The following NEMP2 variants were observed in gnomAD, a reference collection of about 807,000 sequenced individuals.
NEMP2 encodes the protein UPF0571 transmembrane protein.
In NEMP2, 53 loss-of-function variants were observed where a neutral mutation model predicts 54.2. The observed-to-expected ratio is 0.98, with a 90% CI of 0.78 to 1.23. NEMP2 has a LOEUF of 1.23. Among genes scored for constraint, NEMP2 ranks in the 50% most tolerant of loss-of-function variants. NEMP2 has a pLI of 0.00. For synonymous variants in NEMP2, 197 were observed against 190.3 expected (o/e 1.04, Z -0.29); for missense variants, 455 against 511.3 (o/e 0.89, Z 1.06).
the NEMP2 span, chr2:190,489,935 G>T: frequency 1.5e-6 from 2 of 1,343,772 alleles, no homozygotes; most frequent in Non-Finnish European, 2.1e-6. The surrounding 1 kb of genome is among the most constrained non-coding windows in gnomAD (Gnocchi z 6.6). Context: ...AATGCCCCGA[G>T]AAGCCTAGAA....
the NEMP2 span, among the ~76,000 whole-genome samples, chr2:190,496,683 T>TAC: frequency 3.2e-4 from 48 of 151,790 alleles, no homozygotes; most frequent in South Asian, 1.7e-3. The surrounding 1 kb of genome is among the most constrained non-coding windows in gnomAD (Gnocchi z 4.7). Context: ...TGTGTGTATA[T>TAC]ACACACACAC....
the NEMP2 span, among the ~76,000 whole-genome samples, chr2:190,479,886 G>A: frequency 1.3e-5 from 2 of 152,118 alleles, no homozygotes; most frequent in African/African-American, 4.8e-5. Context: ...CAGTTAGGGG[G>A]ACTTGAGCTG....
At chr2:190,452,697 A>G in the NEMP2 span, among the ~76,000 whole-genome samples, 11 of 152,080 alleles carry the variant, frequency 7.2e-5, no homozygotes, top group Non-Finnish European at 1.3e-4. Context: ...TCACTTTTTC[A>G]ATGGTTTCAA....
the NEMP2 span, among the ~76,000 whole-genome samples, chr2:190,451,267 G>A: frequency 2.0e-5 from 3 of 152,134 alleles, no homozygotes; most frequent in Non-Finnish European, 4.4e-5. This position sits in a 1 kb window ranked among gnomAD's most constrained non-coding sequence, Gnocchi z 5.0. Flanking sequence ...GTTCCTCATT[G>A]GTAAAACGGG....
chr2:190,486,625 G>A, the NEMP2 span, among the ~76,000 whole-genome samples: 3 of 152,206 alleles, frequency 2.0e-5, no homozygotes, highest in East Asian at 1.9e-4. Flanking sequence ...TGTTTTGTCC[G>A]GTTTTTTAGT....
At chr2:190,532,305 G>C (rs992687195) in intron 1 of NEMP2, among the ~76,000 whole-genome samples, 2 of 151,984 alleles carry the variant, frequency 1.3e-5, no homozygotes, top group African/African-American at 2.4e-5. Flanking sequence ...CTTTCTCCAA[G>C]AATATGAGAA....
downstream of NEMP2, chr2:190,500,800 A>G (rs1036895766): frequency 1.3e-5 from 2 of 152,982 alleles, no homozygotes; most frequent in African/African-American, 4.8e-5. This position sits in a 1 kb window ranked among gnomAD's most constrained non-coding sequence, Gnocchi z 5.3. Context: ...TTCATCAGAA[A>G]CTTTACATAT....
chr2:190,553,134 AT>A, the NEMP2 span: 1 of 152,098 alleles, frequency 6.6e-6, no homozygotes, highest in Non-Finnish European at 1.5e-5. Context: ...AACAATTCTT[AT>A]TATTGTAGAG....
the NEMP2 span, among the ~76,000 whole-genome samples, chr2:190,557,525 A>C: frequency 6.6e-6 from 1 of 152,208 alleles, no homozygotes; most frequent in African/African-American, 2.4e-5. Context: ...CTATCATCAG[A>C]GTGAACAGGC....
the NEMP2 span, among the ~76,000 whole-genome samples, chr2:190,489,142 T>A: frequency 6.6e-6 from 1 of 152,236 alleles, no homozygotes; most frequent in Non-Finnish European, 1.5e-5. This position sits in a 1 kb window ranked among gnomAD's most constrained non-coding sequence, Gnocchi z 6.6. Context: ...AACCTGCTGA[T>A]AATAACCCTA....
At chr2:190,470,129 A>G in the NEMP2 span, among the ~76,000 whole-genome samples, 1 of 152,246 alleles carries the variant, frequency 6.6e-6, no homozygotes, top group Non-Finnish European at 1.5e-5. Flanking sequence ...TCCTGTGCAC[A>G]ACTATTAGAC....
At chr2:190,622,701 C>T in the NEMP2 span, among the ~76,000 whole-genome samples, 8 of 152,026 alleles carry the variant, frequency 5.3e-5, no homozygotes, top group African/African-American at 1.9e-4. Flanking sequence ...GGGAAAGACA[C>T]ACCACGGACC....
At chr2:190,601,229 T>A in the NEMP2 span, among the ~76,000 whole-genome samples, 1 of 152,254 alleles carries the variant, frequency 6.6e-6, no homozygotes. This position sits in a 1 kb window ranked among gnomAD's most constrained non-coding sequence, Gnocchi z 5.8. Flanking sequence ...ATTGGAGTTA[T>A]GCTGCCACAA....
At chr2:190,618,386 A>G in the NEMP2 span, among the ~76,000 whole-genome samples, 1 of 152,300 alleles carries the variant, frequency 6.6e-6, no homozygotes, top group African/African-American at 2.4e-5. Flanking sequence ...ACAAGGATCA[A>G]TGACACTTTA....
the NEMP2 span, among the ~76,000 whole-genome samples, chr2:190,482,572 A>T: frequency 6.6e-6 from 1 of 152,272 alleles, no homozygotes; most frequent in African/African-American, 2.4e-5. Flanking sequence ...CTAGTTCCCT[A>T]GTACTGTGTC....
rs570701868 is a variant in NEMP2 at position 190,515,433 on chromosome 2, T to C, written c.728-755A>G. On this transcript the variant is annotated intron_variant, in intron 6 of 8. Coordinates refer to ENST00000409150, the MANE Select transcript of NEMP2 (RefSeq NM_001142645.2). The stretch of plus-strand genomic sequence containing the variant: ...AGATACTAAATGTGGTTCTGGACCA[T>C]ATCCTAGTTTATATAAGCCATCAAG... 3.3e-5 allele frequency among the ~76,000 whole-genome samples: 5 copies of C among 152,316 alleles called. No homozygotes were observed. In the South Asian group the frequency reaches 8.3e-4, roughly 25 times the overall value.
the NEMP2 span, among the ~76,000 whole-genome samples, chr2:190,421,571 A>G: frequency 6.6e-6 from 1 of 152,058 alleles, no homozygotes; most frequent in South Asian, 2.1e-4. Flanking sequence ...TTTTTCTGCA[A>G]TTATTTTGAT....
Position 190,504,633 on chromosome 2 carries a change from C to T in NEMP2, c.*4556G>A, listed in dbSNP as rs938918551. ...CATAATTTTCATTTTTCTTTTTCTT[C>T]TTAAAGGTGTCAACAAAAGTAAACA... On this transcript the variant is annotated 3_prime_UTR_variant, in exon 9 of 9. Coordinates refer to ENST00000409150, the MANE Select transcript of NEMP2 (RefSeq NM_001142645.2). The surrounding 1 kb of genome is among the most constrained non-coding windows in gnomAD (Gnocchi z 5.6). The T allele has an allele frequency of 6.6e-6, 1 of 152,038 alleles. No individual in the cohort carries two copies. The highest frequency in any genetic ancestry group is 2.4e-5 in the African/African-American group (1 of 41,406). 9.4% of individuals were successfully genotyped at this position (152,038 alleles called of 1,614,324 possible). A position where few individuals can be genotyped will look rare whatever the true frequency, so the allele number is the denominator to read the frequency against.
the NEMP2 span, among the ~76,000 whole-genome samples, chr2:190,588,087 T>A: frequency 6.6e-6 from 1 of 152,152 alleles, no homozygotes; most frequent in Non-Finnish European, 1.5e-5. This position sits in a 1 kb window ranked among gnomAD's most constrained non-coding sequence, Gnocchi z 5.0. Context: ...AAAGTTGGGC[T>A]TTTTTATAGC....
Sources: allele counts gnomAD v4.1 joint callset (sites outside exome capture counted in the v4.1 genomes callset), GRCh38; gene constraint gnomAD v4.1.1; non-coding constraint Gnocchi (gnomAD v3.1); transcripts MANE v1.5; gene names NCBI Gene and HGNC (gene_info 2026-07-23, HGNC 2026-07-21).